Variants in PLCH1 observed in about 807,000 individuals in gnomAD.
PLCH1 encodes the protein phospholipase C eta 1, also known as 1-phosphatidylinositol 4,5-bisphosphate phosphodiesterase eta-1.
In PLCH1, 60 loss-of-function variants were observed where a neutral mutation model predicts 126.7. The ratio of observed to expected loss-of-function variants is 0.47; its 90% CI spans 0.38 to 0.59. The LOEUF (loss-of-function observed/expected upper bound fraction) is 0.59. PLCH1 is among the 20% of genes least tolerant of loss of function. The pLI is 0.00. For missense variants in PLCH1, 1,723 were observed against 2,040.0 expected, an observed-to-expected ratio of 0.84 and a Z score of 2.99; for synonymous variants, 719 against 734.9, an observed-to-expected ratio of 0.98 and a Z score of 0.35.
rs2108644175 is a variant in PLCH1 at position 155,594,008 on chromosome 3, G to A, written c.403C>T (p.Leu135Phe). The A allele has an allele frequency of 1.2e-6, 2 of 1,614,068 alleles. No homozygotes were observed. The highest frequency in any genetic ancestry group is 4.5e-5 in the East Asian group (2 of 44,874). ...CTGATGCCAGCCATCAGGTACTTGA[G>A]GCCTGTGATCCAGGTGCGGGCCTCC... is the stretch of plus-strand genomic sequence containing the variant. The part of the protein sequence containing the change: ...PEEARTWITG[L>F]KYLMAGISDE... Residue 135 changes from leucine to phenylalanine, a missense_variant, in exon 4 of 23, where the codon CTC (leucine) becomes TTC (phenylalanine). Transcript: ENST00000460012.
At chr3:155,473,992 T>C (rs1280037466) in intron 21 of PLCH1, among the ~76,000 whole-genome samples, 2 of 151,314 alleles carry the variant, frequency 1.3e-5, no homozygotes, top group African/African-American at 4.8e-5. Flanking sequence ...AACCTAGGCA[T>C]TACCATTCAG....
At chr3:155,586,329 T>C (rs1413564575) in intron 4 of PLCH1, 135 bp from the exon 5 acceptor site, 18 of 754,586 alleles carry the variant, frequency 2.4e-5, no homozygotes, top group Non-Finnish European at 3.3e-5. Context: ...CTGCAATCCA[T>C]AGGCTCTGAT....
In PLCH1 at chr3:155,593,927, T is replaced by C. The variant is rs752898012; in HGVS notation, c.470+14A>G. On this transcript the variant is annotated intron_variant, in intron 4 of 22. Coordinates refer to ENST00000460012, the MANE Select transcript of PLCH1 (RefSeq NM_014996.4). ...AGCAAGAGAGAGCTGAAAATAAAGT[T>C]CTAGAAAGGATATTGGTCATGGGTC... 2.5e-6 allele frequency: 4 copies of C among 1,613,358 alleles called. No individual in the cohort carries two copies. The highest frequency in any genetic ancestry group is 3.4e-6 in the Non-Finnish European group (4 of 1,179,508).
At chr3:155,673,988 T>C (rs1295373332) in intron 2 of PLCH1, among the ~76,000 whole-genome samples, 2 of 152,218 alleles carry the variant, frequency 1.3e-5, no homozygotes, top group Non-Finnish European at 2.9e-5. Flanking sequence ...TTTCTATCTT[T>C]CAAATGCTTT....
intron 14 of PLCH1, among the ~76,000 whole-genome samples, chr3:155,498,865 G>A (rs1050240843): frequency 1.3e-5 from 2 of 151,980 alleles, no homozygotes; most frequent in South Asian, 4.2e-4. Context: ...ACTCTCTTCT[G>A]CAGTCAAGTC....
At chr3:155,545,749 A>C (rs1456872525) in intron 10 of PLCH1, among the ~76,000 whole-genome samples, 2 of 151,262 alleles carry the variant, frequency 1.3e-5, no homozygotes, top group East Asian at 3.9e-4. Flanking sequence ...CAAATCAATA[A>C]ATGTAATCCA....
chr3:155,674,522 T>C (rs1412832366), intron 2 of PLCH1, among the ~76,000 whole-genome samples: 2 of 152,332 alleles, frequency 1.3e-5, no homozygotes, highest in African/African-American at 4.8e-5. Context: ...GAAAGATTTT[T>C]TGAAAAATAG....
Position 155,480,759 on chromosome 3 carries a change from G to A in PLCH1, c.*209C>T, listed in dbSNP as rs1267841421. The A allele has an allele frequency of 1.8e-6, 1 of 543,086 alleles. No homozygotes were observed. Among genetic ancestry groups the A allele is most frequent in the Non-Finnish European group, 3.2e-6 (1 of 307,856 alleles). The allele number at this position is 543,086 out of a possible 1,614,324, so 33.6% of individuals were successfully genotyped here. A position where few individuals can be genotyped will look rare whatever the true frequency, so the allele number is the denominator to read the frequency against. ...CTGATACAGTTTACAACAACTCAAG[G>A]GAGAAAGATCATAATAGGTACATGG... is the stretch of plus-strand genomic sequence containing the variant. On this transcript the variant is annotated 3_prime_UTR_variant, in exon 23 of 23. Transcript: ENST00000460012.
intron 2 of PLCH1, among the ~76,000 whole-genome samples, chr3:155,696,111 G>A (rs1047065208): frequency 6.6e-6 from 1 of 152,172 alleles, no homozygotes; most frequent in African/African-American, 2.4e-5. Context: ...GGGAACTGAA[G>A]CCGTGGGAGT....
At chr3:155,669,928 G>A (rs879693832) in intron 2 of PLCH1, among the ~76,000 whole-genome samples, 4 of 152,144 alleles carry the variant, frequency 2.6e-5, no homozygotes, top group South Asian at 2.1e-4. Flanking sequence ...CATCAATGGC[G>A]TAACTCCTTT....
At chr3:155,504,984 A>T (rs1007004888) in intron 12 of PLCH1, among the ~76,000 whole-genome samples, 1 of 152,148 alleles carries the variant, frequency 6.6e-6, no homozygotes, top group Non-Finnish European at 1.5e-5. Context: ...AAATGTTCTG[A>T]GTGGGGTTAA....
chr3:155,536,276 C>A (rs1723345023), intron 10 of PLCH1, among the ~76,000 whole-genome samples: 1 of 151,974 alleles, frequency 6.6e-6, no homozygotes, highest in African/African-American at 2.4e-5. Context: ...TCTTTAACAC[C>A]CTCAAAAGAT....
intron 2 of PLCH1, among the ~76,000 whole-genome samples, chr3:155,673,775 G>A (rs1245037265): frequency 1.3e-5 from 2 of 152,136 alleles, no homozygotes; most frequent in African/African-American, 4.8e-5. Flanking sequence ...CCTTCCATCA[G>A]GCATTCGTAC....
chr3:155,657,550 G>A (rs901204735), intron 2 of PLCH1, among the ~76,000 whole-genome samples: 1 of 152,100 alleles, frequency 6.6e-6, no homozygotes, highest in Non-Finnish European at 1.5e-5. Context: ...ACCATAAGGA[G>A]GAAACACTAG....
At chr3:155,490,563 A>G (rs867541369) in intron 19 of PLCH1, among the ~76,000 whole-genome samples, 5 of 152,204 alleles carry the variant, frequency 3.3e-5, no homozygotes, top group African/African-American at 4.8e-5. Context: ...TTTCCTTTAA[A>G]AGCAAAAGTC....
rs187097540 is a variant in PLCH1 at position 155,487,614 on chromosome 3, C to T, written c.2619+414G>A. Among the ~76,000 whole-genome samples the T allele has an allele frequency of 3.2e-3, 481 of 152,310 alleles. 1 individual carries two copies. Among genetic ancestry groups the T allele is most frequent in the Non-Finnish European group, 4.9e-3 (333 of 68,036 alleles). On this transcript the variant is annotated intron_variant, in intron 21 of 22. Coordinates refer to ENST00000460012, the MANE Select transcript of PLCH1 (RefSeq NM_014996.4). ...AAATGAATGTAGCCTGCCTAGAAGT[C>T]GCTGGGATCACAGCCCAGTTAGTAC...
rs750495593 is a variant in PLCH1 at position 155,482,626 on chromosome 3, T to A, written c.3400A>T (p.Arg1134Trp). Residue 1134 changes from arginine (R) to tryptophan (W), a missense_variant, in exon 23 of 23, where the codon AGG becomes TGG. This residue lies in a region of PLCH1 where 947 missense variants were observed against 977.1 expected (regional missense o/e 0.97). Transcript: ENST00000460012. The stretch of plus-strand genomic sequence containing the variant: ...GATGTTGCAGCTCGGCCCTTACCCC[T>A]ATTACCTTCCAGGTTCTTAATTTCT... ...NLEIKNLEGNRGKGRAATSFS... is the reference protein window; with the variant it reads ...NLEIKNLEGNWGKGRAATSFS... The A allele has an allele frequency of 6.2e-7, 1 of 1,614,132 alleles. No individual in the cohort carries two copies. Among genetic ancestry groups the A allele is most frequent in the Admixed American group, 1.7e-5 (1 of 60,026 alleles).
At chr3:155,505,694 T>C (rs1184943177) in intron 12 of PLCH1, among the ~76,000 whole-genome samples, 1 of 152,186 alleles carries the variant, frequency 6.6e-6, no homozygotes, top group Non-Finnish European at 1.5e-5. Context: ...TGATTGATGT[T>C]AGGTAACTGT....
intron 2 of PLCH1, among the ~76,000 whole-genome samples, chr3:155,666,391 G>A (rs1222015792): frequency 6.6e-6 from 1 of 152,112 alleles, no homozygotes; most frequent in Non-Finnish European, 1.5e-5. Context: ...AGTTACTCAA[G>A]TTTTTAGTTC....
Sources: gnomAD v4.1 joint callset for allele counts (sites outside exome capture counted in the v4.1 genomes callset) on GRCh38, gnomAD v4.1.1 for gene constraint, gnomAD v4.1.1 regional missense constraint, MANE v1.5 for transcripts, NCBI Gene and HGNC (gene_info 2026-07-23, HGNC 2026-07-21) for gene names.